Variants in MAGI2 observed in about 807,000 individuals in gnomAD.
The protein encoded by MAGI2 is membrane associated guanylate kinase, WW and PDZ domain containing 2.
In MAGI2, 35 loss-of-function variants were observed where a neutral mutation model predicts 133.3. The observed-to-expected ratio is 0.26, with a 90% CI of 0.20 to 0.35. The LOEUF is 0.35. MAGI2 is among the 10% of genes least tolerant of loss of function. The probability of loss-of-function intolerance (pLI) is 1.00; values close to 1 mark genes in which losing one functional copy is unlikely to be tolerated. For missense variants in MAGI2, 1,636 were observed against 1,863.4 expected, an observed-to-expected ratio of 0.88 and a Z score of 2.25; for synonymous variants, 729 against 710.6, an observed-to-expected ratio of 1.03 and a Z score of -0.41.
chr7:78,477,541 G>C (rs1413518924), intron 6 of MAGI2, among the ~76,000 whole-genome samples: 1 of 151,872 alleles, frequency 6.6e-6, no homozygotes, highest in Non-Finnish European at 1.5e-5. Context: ...CATGGCAGAA[G>C]ATGAAGGAAG....
At chr7:78,543,546 T>G (rs1423372898) in intron 3 of MAGI2, among the ~76,000 whole-genome samples, 4 of 152,224 alleles carry the variant, frequency 2.6e-5, no homozygotes, top group African/African-American at 9.7e-5. Flanking sequence ...GCCATTCGAA[T>G]CAGACTCTCT....
rs190471513 is a variant in MAGI2 at position 78,200,163 on chromosome 7, T to C, written c.2079+999A>G. ...TGGACCAGATGAGTCAAATCCTAAA[T>C]GAGGTCCTGCTTAGTGAGAGTGTTC... On this transcript the variant is annotated intron_variant, in intron 11 of 21. Transcript: ENST00000354212. Among the ~76,000 whole-genome samples the C allele has an allele frequency of 1.9e-3, 294 of 152,342 alleles. 1 individual carries two copies. The highest frequency in any genetic ancestry group is 6.6e-3 in the African/African-American group (274 of 41,580).
At chr7:78,698,696 G>A (rs1054171466) in intron 2 of MAGI2, among the ~76,000 whole-genome samples, 1 of 152,176 alleles carries the variant, frequency 6.6e-6, no homozygotes, top group Non-Finnish European at 1.5e-5. Context: ...GGCTTGGGAG[G>A]CCTCAGGAAA....
intron 1 of MAGI2, among the ~76,000 whole-genome samples, chr7:79,061,689 G>A (rs12530795): frequency 0.56 from 85,632 of 151,936 alleles, 29,163 homozygotes; most frequent in Non-Finnish European, 0.76. Context: ...ACAGTAGATC[G>A]AAAATGACTG....
chr7:78,763,432 ATATTT>A (rs1459487516), intron 2 of MAGI2, among the ~76,000 whole-genome samples: 6 of 152,198 alleles, frequency 3.9e-5, no homozygotes, highest in Non-Finnish European at 7.3e-5. Flanking sequence ...AGGGGTAGAA[ATATTT>A]TATTTTCTGA....
intron 9 of MAGI2, among the ~76,000 whole-genome samples, chr7:78,318,995 C>A (rs1018813232): frequency 1.3e-5 from 2 of 152,148 alleles, no homozygotes; most frequent in Non-Finnish European, 2.9e-5. Context: ...ACAACCGGTA[C>A]CAGCCACTGC....
chr7:78,140,346 T>C (rs1038300436), intron 16 of MAGI2, among the ~76,000 whole-genome samples: 1 of 152,230 alleles, frequency 6.6e-6, no homozygotes, highest in Non-Finnish European at 1.5e-5. Flanking sequence ...GAAAAGTCTG[T>C]GACTCATGTT....
At chr7:78,628,778 G>C (rs2150958474) in intron 2 of MAGI2, among the ~76,000 whole-genome samples, 1 of 147,010 alleles carries the variant, frequency 6.8e-6, no homozygotes, top group East Asian at 2.0e-4. Flanking sequence ...CATCTAGTAT[G>C]CATAATATTG....
At chr7:78,152,175 C>T (rs1823945433) in intron 16 of MAGI2, among the ~76,000 whole-genome samples, 1 of 152,286 alleles carries the variant, frequency 6.6e-6, no homozygotes, top group South Asian at 2.1e-4. Flanking sequence ...CCTAGGGGTG[C>T]TGTGAAGATT....
intron 3 of MAGI2, among the ~76,000 whole-genome samples, chr7:78,580,225 T>A (rs1046477276): frequency 6.6e-6 from 1 of 152,178 alleles, no homozygotes; most frequent in Non-Finnish European, 1.5e-5. Flanking sequence ...ACACACATGC[T>A]AACTTAAAAA....
intron 6 of MAGI2, among the ~76,000 whole-genome samples, chr7:78,416,081 TG>T (rs1323018992): frequency 6.6e-6 from 1 of 152,126 alleles, no homozygotes; most frequent in East Asian, 1.9e-4. Context: ...AGGCATGAAC[TG>T]GCCAATGTGT....
chr7:78,888,479 C>T (rs552855373), intron 2 of MAGI2, among the ~76,000 whole-genome samples: 1 of 152,182 alleles, frequency 6.6e-6, no homozygotes, highest in African/African-American at 2.4e-5. Flanking sequence ...AGGCATCCCC[C>T]AGTAGGGGCA....
chr7:78,134,454 A>G (rs1821890088), intron 17 of MAGI2: 1 of 152,676 alleles, frequency 6.5e-6, no homozygotes, highest in African/African-American at 2.4e-5. Context: ...CCCTTAGGGC[A>G]TGGTTATGAA....
intron 1 of MAGI2, among the ~76,000 whole-genome samples, chr7:79,071,586 T>C (rs1001249441): frequency 1.3e-5 from 2 of 151,242 alleles, no homozygotes; most frequent in African/African-American, 2.4e-5. Context: ...CCCAGGGAAA[T>C]GGGGGTTTTA....
intron 2 of MAGI2, among the ~76,000 whole-genome samples, chr7:78,860,279 C>T (rs901056283): frequency 3.9e-5 from 6 of 152,134 alleles, no homozygotes; most frequent in Admixed American, 3.3e-4. Flanking sequence ...AGATTTGTTC[C>T]ATTGCTGAGG....
At chr7:79,395,774 C>T (rs528682060) in intron 1 of MAGI2, among the ~76,000 whole-genome samples, 11 of 152,110 alleles carry the variant, frequency 7.2e-5, no homozygotes, top group African/African-American at 2.4e-4. Flanking sequence ...GCAGCTAGAC[C>T]CTGTTTGTTT....
chr7:79,360,599 G>T (rs1340909940), intron 1 of MAGI2, among the ~76,000 whole-genome samples: 2 of 152,018 alleles, frequency 1.3e-5, no homozygotes, highest in Non-Finnish European at 2.9e-5. Flanking sequence ...AACCTAAGTG[G>T]AAGTGAAGTT....
At chr7:78,629,301 G>C (rs1808709492) in intron 2 of MAGI2, among the ~76,000 whole-genome samples, 1 of 152,060 alleles carries the variant, frequency 6.6e-6, no homozygotes, top group Non-Finnish European at 1.5e-5. Context: ...CTGCCTACTT[G>C]GACTGGCAGT....
chr7:78,117,188 A>G (rs1819953114), intron 20 of MAGI2, among the ~76,000 whole-genome samples: 1 of 151,982 alleles, frequency 6.6e-6, no homozygotes, highest in Admixed American at 6.6e-5. Context: ...TCATTTTATA[A>G]GGTTAGGGTA....
Sources: gnomAD v4.1 joint callset for allele counts (sites outside exome capture counted in the v4.1 genomes callset) on GRCh38, gnomAD v4.1.1 for gene constraint, MANE v1.5 for transcripts, NCBI Gene and HGNC (gene_info 2026-07-23, HGNC 2026-07-21) for gene names.